The following METTL9 variants were observed in gnomAD, a reference collection of about 807,000 sequenced individuals.
The protein encoded by METTL9 is protein-L-histidine N-pros-methyltransferase.
Under a neutral mutation model 36.0 loss-of-function variants are expected in METTL9, and 10 were observed. The observed-to-expected ratio is 0.28, with a 90% CI of 0.17 to 0.47. The LOEUF is 0.47. Ranked by LOEUF, METTL9 falls within the 20% of genes least tolerant of loss-of-function variation. METTL9 has a pLI of 0.99. For synonymous variants in METTL9, 175 were observed against 149.7 expected, an observed-to-expected ratio of 1.17 and a Z score of -1.23; for missense variants, 246 against 383.5, an observed-to-expected ratio of 0.64 and a Z score of 3.00.
At chr16:21,632,514 A>G (rs57943224) in intron 4 of METTL9, among the ~76,000 whole-genome samples, 6,400 of 152,252 alleles carry the variant, frequency 0.042, 429 homozygotes, top group African/African-American at 0.15. Flanking sequence ...AGTCTGGACT[A>G]TAATTTATTG....
At position 21,625,105 on chromosome 16, in the gene METTL9, T is replaced by C; in HGVS notation, c.741T>C (p.Tyr247=). Residue 247 remains tyrosine (Y), a synonymous_variant, in exon 4 of 5, where the codon TAT becomes TAC. Coordinates refer to ENST00000358154, the MANE Select transcript of METTL9 (RefSeq NM_016025.5). ...CCCTTGTCCTCCCCTTTCATCCCTA[T>C]GTGGAAAACGGTAAGTGTGGTCAGT... ...ILALVLPFHP[Y]VENVGGKWEK... The C allele has an allele frequency of 1.2e-6, 2 of 1,614,108 alleles. No individual in the cohort carries two copies. The highest frequency in any genetic ancestry group is 1.7e-6 in the Non-Finnish European group (2 of 1,179,980).
At chr16:21,598,178 G>A (rs1964994897), upstream of METTL9, among the ~76,000 whole-genome samples, 1 of 152,018 alleles carries the variant, frequency 6.6e-6, no homozygotes, top group Non-Finnish European at 1.5e-5. Flanking sequence ...GTGAAATCCC[G>A]TCTCTACGAA....
chr16:21,652,831 G>A (rs979609832), intron 4 of METTL9: 7 of 431,046 alleles, frequency 1.6e-5, no homozygotes, highest in Middle Eastern at 4.6e-4. Context: ...GTTGTCATAG[G>A]TGTTAGATGT....
intron 3 of METTL9, among the ~76,000 whole-genome samples, chr16:21,620,269 A>C (rs1324165083): frequency 1.3e-5 from 2 of 152,214 alleles, no homozygotes; most frequent in African/African-American, 4.8e-5. Context: ...AAAGCCCCTT[A>C]GCTTTAGCAA....
Position 21,607,775 on chromosome 16 carries a change from G to A in METTL9, c.166-4870G>A, listed in dbSNP as rs180950905. ...AGAGTGGGCGTGTAGTCCTGTCAGT[G>A]TGTGAATTTAACGGGCATAGTACTT... On this transcript the variant is annotated intron_variant, in intron 1 of 4. Coordinates refer to ENST00000358154, the MANE Select transcript of METTL9 (RefSeq NM_016025.5). Among the ~76,000 whole-genome samples the A allele has an allele frequency of 2.8e-4, 43 of 152,310 alleles. 1 individual carries two copies. In the East Asian group the frequency reaches 8.1e-3, roughly 29 times the overall value.
chr16:21,614,342 T>A (rs1965502398), intron 2 of METTL9, among the ~76,000 whole-genome samples: 1 of 152,158 alleles, frequency 6.6e-6, no homozygotes, highest in East Asian at 1.9e-4. Flanking sequence ...CTTCAAAAAG[T>A]GCTTACATTC....
chr16:21,603,955 T>C (rs1189205713), intron 1 of METTL9, among the ~76,000 whole-genome samples: 1 of 152,136 alleles, frequency 6.6e-6, no homozygotes, highest in Non-Finnish European at 1.5e-5. Context: ...AGAATTAAAA[T>C]CCTTTTTTTT....
At chr16:21,645,006 A>G (rs1284102887) in intron 4 of METTL9, among the ~76,000 whole-genome samples, 2 of 152,182 alleles carry the variant, frequency 1.3e-5, no homozygotes, top group Admixed American at 1.3e-4. Flanking sequence ...CCATTTTCAC[A>G]TTCGGAATTT....
chr16:21,652,827 A>G (rs578187098), intron 4 of METTL9: 4 of 453,098 alleles, frequency 8.8e-6, no homozygotes, highest in East Asian at 3.4e-5. Context: ...TACAGTTGTC[A>G]TAGGTGTTAG....
intron 4 of METTL9, chr16:21,643,278 A>T (rs1164283107): frequency 1.4e-6 from 1 of 711,280 alleles, no homozygotes. Context: ...CCCCCAACAC[A>T]TATGTGCCTA....
Position 21,656,942 on chromosome 16 carries a change from G to A in METTL9, c.*1510G>A, listed in dbSNP as rs992169702. On this transcript the variant is annotated 3_prime_UTR_variant, in exon 5 of 5. Coordinates refer to ENST00000358154, the MANE Select transcript of METTL9 (RefSeq NM_016025.5). ...TTTTCCAGGAATTCAAGTAAGTGAA[G>A]TACAAATACTTAGCACCATAGATTG... 4 of 152,100 alleles carry A rather than the reference G, an allele frequency of 2.6e-5. No individual in the cohort carries two copies. Among genetic ancestry groups the A allele is most frequent in the African/African-American group, 9.7e-5 (4 of 41,414 alleles). The allele number at this position is 152,100 out of a possible 1,614,324, so 9.4% of individuals were successfully genotyped here.
rs568309934 is a variant in METTL9, at chr16:21,640,024, C to G, written c.751+14909C>G. On this transcript the variant is annotated intron_variant, in intron 4 of 4. Coordinates refer to ENST00000358154, the MANE Select transcript of METTL9 (RefSeq NM_016025.5). ...CGTGATCTCAGCTCACTGCAACCTCCGCATCCTGGGTTCAAGTGATCTCCT... is the reference window on the plus strand; with the variant it reads ...CGTGATCTCAGCTCACTGCAACCTCGGCATCCTGGGTTCAAGTGATCTCCT... 3 of 151,992 alleles carry G rather than the reference C, an allele frequency of 2.0e-5. No homozygotes were observed. In the East Asian group the frequency reaches 5.8e-4, roughly 29 times the overall value. 9.4% of individuals were successfully genotyped at this position (151,992 alleles called of 1,614,324 possible).
upstream of METTL9, among the ~76,000 whole-genome samples, chr16:21,598,854 A>C (rs1312074646): frequency 6.6e-6 from 1 of 152,100 alleles, no homozygotes; most frequent in Non-Finnish European, 1.5e-5. Context: ...AATACATCTA[A>C]AACATTACTT....
Position 21,625,126 on chromosome 16 carries a change from T to C in METTL9, c.751+11T>C. 1 of 1,613,396 alleles carries C rather than the reference T, an allele frequency of 6.2e-7. No homozygotes were observed. On this transcript the variant is annotated intron_variant, in intron 4 of 4. Coordinates refer to ENST00000358154, the MANE Select transcript of METTL9 (RefSeq NM_016025.5). ...CCTATGTGGAAAACGGTAAGTGTGG[T>C]CAGTCAGGCTAGCTCTTACTGAGGA...
At chr16:21,631,532 G>A (rs1190805390) in intron 4 of METTL9, among the ~76,000 whole-genome samples, 1 of 152,154 alleles carries the variant, frequency 6.6e-6, no homozygotes, top group African/African-American at 2.4e-5. Flanking sequence ...TCCTAACTCT[G>A]TTTCTACAAG....
chr16:21,599,608 G>A lies in METTL9; in HGVS notation c.-126G>A. 2 of 1,328,522 alleles carry A rather than the reference G, an allele frequency of 1.5e-6. No individual in the cohort carries two copies. The highest frequency in any genetic ancestry group is 1.9e-6 in the Non-Finnish European group (2 of 1,047,596). The allele number at this position is 1,328,522 out of a possible 1,614,324, so 82.3% of individuals were successfully genotyped here. A position where few individuals can be genotyped will look rare whatever the true frequency, so the allele number is the denominator to read the frequency against. On this transcript the variant is annotated 5_prime_UTR_variant, in exon 1 of 5. Transcript: ENST00000358154. The surrounding 1 kb of genome is among the most constrained non-coding windows in gnomAD (Gnocchi z 4.4). ...ACCCCCAGCCTTTGCCCTGAAGGGG[G>A]CTGGATGGGCAAGGCGGCCGCGATG...
At position 21,599,914 on chromosome 16, in the gene METTL9, G is replaced by C; in HGVS notation, c.165+16G>C. On this transcript the variant is annotated intron_variant, in intron 1 of 4. Coordinates refer to ENST00000358154, the MANE Select transcript of METTL9 (RefSeq NM_016025.5). This position sits in a 1 kb window ranked among gnomAD's most constrained non-coding sequence, Gnocchi z 4.4. ...GAACCACCAGGTACGGGCTGGGGCC[G>C]GGGCCGGGGCGGGGGCGTGGCGGCC... The C allele has an allele frequency of 1.5e-6, 2 of 1,365,736 alleles. No individual in the cohort carries two copies. The highest frequency in any genetic ancestry group is 9.4e-7 in the Non-Finnish European group (1 of 1,062,826). 84.6% of individuals were successfully genotyped at this position (1,365,736 alleles called of 1,614,324 possible). A position where few individuals can be genotyped will look rare whatever the true frequency, so the allele number is the denominator to read the frequency against.
chr16:21,606,712 C>T (rs868109404), intron 1 of METTL9, among the ~76,000 whole-genome samples: 2 of 152,120 alleles, frequency 1.3e-5, no homozygotes, highest in African/African-American at 4.8e-5. Context: ...ACAAAAGATA[C>T]TCTTATTACC....
chr16:21,626,852 T>G (rs1177208534), intron 4 of METTL9: 2 of 750,466 alleles, frequency 2.7e-6, no homozygotes, highest in East Asian at 1.3e-4. Flanking sequence ...TAATGCTACT[T>G]CCTGGCATAG....
Sources: gnomAD v4.1 joint callset for allele counts (sites outside exome capture counted in the v4.1 genomes callset) on GRCh38, gnomAD v4.1.1 for gene constraint, Gnocchi (gnomAD v3.1) non-coding constraint, MANE v1.5 for transcripts, NCBI Gene and HGNC (gene_info 2026-07-23, HGNC 2026-07-21) for gene names.